The following FBXL17 variants were observed in gnomAD, a reference collection of about 807,000 sequenced individuals.
The protein encoded by FBXL17 is F-box/LRR-repeat protein 17.
Under a neutral mutation model 66.2 loss-of-function variants are expected in FBXL17, and 22 were observed. The observed-to-expected ratio is 0.33, with a 90% CI of 0.24 to 0.47. The LOEUF (loss-of-function observed/expected upper bound fraction) is 0.47. Ranked by LOEUF, FBXL17 falls within the 20% of genes least tolerant of loss-of-function variation. The pLI is 1.00. For synonymous variants in FBXL17, 474 were observed against 400.5 expected, an observed-to-expected ratio of 1.18 and a Z score of -2.19; for missense variants, 878 against 948.2, an observed-to-expected ratio of 0.93 and a Z score of 0.97.
At chr5:108,118,652 T>C (rs1750359367) in intron 6 of FBXL17, among the ~76,000 whole-genome samples, 1 of 152,196 alleles carries the variant, frequency 6.6e-6, no homozygotes, top group Non-Finnish European at 1.5e-5. Context: ...TTTAATTTTG[T>C]TTTTTAGTGT....
chr5:107,993,605 A>G (rs1391548015), intron 7 of FBXL17, among the ~76,000 whole-genome samples: 2 of 152,212 alleles, frequency 1.3e-5, no homozygotes, highest in Non-Finnish European at 2.9e-5. Flanking sequence ...CTGCACAAAT[A>G]GGAATATTTC....
At chr5:108,072,514 T>G (rs1350385979) in intron 6 of FBXL17, among the ~76,000 whole-genome samples, 1 of 152,134 alleles carries the variant, frequency 6.6e-6, no homozygotes, top group East Asian at 1.9e-4. Context: ...CCATCCTGGC[T>G]AACATGGTGA....
intron 4 of FBXL17, among the ~76,000 whole-genome samples, chr5:108,301,407 A>G (rs2150179167): frequency 6.6e-6 from 1 of 151,698 alleles, no homozygotes; most frequent in Non-Finnish European, 1.5e-5. Context: ...ATTTTACTAA[A>G]TTTATTTTTA....
At chr5:108,327,828 G>C (rs80124395) in intron 4 of FBXL17, among the ~76,000 whole-genome samples, 1 of 152,046 alleles carries the variant, frequency 6.6e-6, no homozygotes, top group African/African-American at 2.4e-5. Context: ...GAAGAAAAAC[G>C]GCAGTTGGGA....
intron 5 of FBXL17, among the ~76,000 whole-genome samples, chr5:108,196,386 G>A (rs910831896): frequency 2.6e-5 from 4 of 152,132 alleles, no homozygotes; most frequent in South Asian, 2.1e-4. Context: ...CCAGCATTCA[G>A]AGCAGGAGAC....
chr5:108,112,242 C>T (rs1310941701), intron 6 of FBXL17, among the ~76,000 whole-genome samples: 1 of 152,164 alleles, frequency 6.6e-6, no homozygotes, highest in Non-Finnish European at 1.5e-5. Context: ...AAAAAGAAAA[C>T]TACTGAGGCC....
intron 7 of FBXL17, among the ~76,000 whole-genome samples, chr5:108,005,302 G>A (rs1173917101): frequency 2.0e-5 from 3 of 152,064 alleles, no homozygotes; most frequent in Non-Finnish European, 2.9e-5. Context: ...AGGACTGGCT[G>A]GTCCAGAGGC....
intron 6 of FBXL17, among the ~76,000 whole-genome samples, chr5:108,027,927 T>C (rs983501627): frequency 2.0e-5 from 3 of 152,136 alleles, no homozygotes; most frequent in Non-Finnish European, 4.4e-5. Flanking sequence ...TGAGTTTCCA[T>C]CAATTCATAA....
chr5:107,997,258 T>C (rs951916655), intron 7 of FBXL17, among the ~76,000 whole-genome samples: 1 of 152,224 alleles, frequency 6.6e-6, no homozygotes, highest in Non-Finnish European at 1.5e-5. Context: ...ATACTAATAA[T>C]ACAGATATTG....
chr5:108,122,113 C>T (rs185115716), intron 6 of FBXL17, among the ~76,000 whole-genome samples: 18 of 152,096 alleles, frequency 1.2e-4, no homozygotes, highest in Non-Finnish European at 2.4e-4. Context: ...TTATTATGTA[C>T]CAGGTACTAT....
At chr5:108,001,874 A>T (rs982539566) in intron 7 of FBXL17, among the ~76,000 whole-genome samples, 1 of 152,128 alleles carries the variant, frequency 6.6e-6, no homozygotes, top group African/African-American at 2.4e-5. Flanking sequence ...AATACTTTAA[A>T]CATCCTATTG....
chr5:108,278,950 C>T (rs1398248616), intron 4 of FBXL17, among the ~76,000 whole-genome samples: 5 of 152,174 alleles, frequency 3.3e-5, no homozygotes, highest in Non-Finnish European at 7.3e-5. Context: ...AAACCCAATC[C>T]ACCACCTGGT....
chr5:108,212,494 G>A (rs1423668030), intron 5 of FBXL17, among the ~76,000 whole-genome samples: 3 of 151,984 alleles, frequency 2.0e-5, no homozygotes, highest in East Asian at 1.9e-4. Flanking sequence ...ATTGATTTTC[G>A]TGACCTCTGA....
chr5:108,011,602 G>A (rs1328748476), intron 7 of FBXL17, among the ~76,000 whole-genome samples: 2 of 151,968 alleles, frequency 1.3e-5, no homozygotes, highest in African/African-American at 4.8e-5. Flanking sequence ...TCAGAAGTTC[G>A]AGACCAGCCT....
chr5:108,338,879 T>G (rs1161324988), intron 4 of FBXL17, among the ~76,000 whole-genome samples: 1 of 152,100 alleles, frequency 6.6e-6, no homozygotes, highest in East Asian at 1.9e-4. Context: ...CTACCTAATA[T>G]GAGTAAGCAA....
chr5:108,295,443 G>T (rs1758306686), intron 4 of FBXL17, among the ~76,000 whole-genome samples: 1 of 151,768 alleles, frequency 6.6e-6, no homozygotes, highest in Non-Finnish European at 1.5e-5. Context: ...TTACTGAAGG[G>T]CTAGGGAATT....
intron 5 of FBXL17, among the ~76,000 whole-genome samples, chr5:108,205,678 T>C (rs1189570791): frequency 6.6e-6 from 1 of 152,194 alleles, no homozygotes; most frequent in African/African-American, 2.4e-5. Flanking sequence ...TTAATCCTAC[T>C]ATTTCCTGTA....
chr5:108,332,180 A>G (rs190951798), intron 4 of FBXL17, among the ~76,000 whole-genome samples: 248 of 152,314 alleles, frequency 1.6e-3, no homozygotes, highest in Middle Eastern at 3.4e-3. Flanking sequence ...TAGGTAGATG[A>G]AAGTTATTGA....
At position 108,284,838 on chromosome 5, in the gene FBXL17, G is replaced by C. The variant is rs370303024; in HGVS notation, c.1507-60610C>G. Among the ~76,000 whole-genome samples the C allele has an allele frequency of 2.6e-5, 4 of 151,904 alleles. No individual in the cohort carries two copies. The South Asian group carries it at 8.3e-4, about 32-fold the overall frequency. On this transcript the variant is annotated intron_variant, in intron 4 of 8. Coordinates refer to ENST00000542267, the MANE Select transcript of FBXL17 (RefSeq NM_001163315.3). ...GTAGTGGCTGCTGAAGCTTGGGGTGGCTGTGGTTAATTTCTTAAAATAAGA... is the reference window on the plus strand; with the variant it reads ...GTAGTGGCTGCTGAAGCTTGGGGTGCCTGTGGTTAATTTCTTAAAATAAGA...
Sources: allele counts gnomAD v4.1 joint callset (sites outside exome capture counted in the v4.1 genomes callset), GRCh38; gene constraint gnomAD v4.1.1; transcripts MANE v1.5; gene names NCBI Gene and HGNC (gene_info 2026-07-23, HGNC 2026-07-21).